The following TSBP1 variants were observed in gnomAD, a reference collection of about 807,000 sequenced individuals.
TSBP1 encodes testis expressed basic protein 1, also known as testis-expressed basic protein 1.
TSBP1 carries 56 observed loss-of-function variants against 68.8 expected under a neutral mutation model. That is an observed-to-expected ratio of 0.81 (90% CI 0.66 to 1.02). The LOEUF (loss-of-function observed/expected upper bound fraction) is 1.02, where lower values mean the gene tolerates loss of function less well. Among genes scored for constraint, TSBP1 ranks in the 50% least tolerant of loss-of-function variants. The pLI is 0.00. For synonymous variants in TSBP1, 171 were observed against 208.7 expected (o/e 0.82, Z 1.56); for missense variants, 502 against 641.2 (o/e 0.78, Z 2.34).
chr6:32,301,576 T>G, intron 20 of TSBP1, among the ~76,000 whole-genome samples: 1 of 150,252 alleles, frequency 6.7e-6, no homozygotes. Context: ...AAAAATTAGC[T>G]GGGTAGGGTG....
At chr6:32,367,618 C>T (rs1350584373) in intron 4 of TSBP1, among the ~76,000 whole-genome samples, 1 of 152,124 alleles carries the variant, frequency 6.6e-6, no homozygotes, top group Non-Finnish European at 1.5e-5. Context: ...ATTTCATATT[C>T]ATTTTATCCA....
At position 32,322,478 on chromosome 6, in the gene TSBP1, G is replaced by C. The variant is rs746786652; in HGVS notation, c.559+639C>G. The C allele has an allele frequency of 1.9e-6, 3 of 1,598,408 alleles. No individual in the cohort carries two copies. Among genetic ancestry groups the C allele is most frequent in the Non-Finnish European group, 1.7e-6 (2 of 1,166,426 alleles). On this transcript the variant is annotated intron_variant, in intron 18 of 22. Transcript: ENST00000612031. Reference sequence around the variant, plus strand: ...CACATATGACCAGCTGAGAAGTAGAGTACTTACTTGCGGTTCTCTGTGAAA... The same window carrying C: ...CACATATGACCAGCTGAGAAGTAGACTACTTACTTGCGGTTCTCTGTGAAA...
At chr6:32,301,164 G>A (rs1481194346) in intron 20 of TSBP1, among the ~76,000 whole-genome samples, 2 of 151,984 alleles carry the variant, frequency 1.3e-5, no homozygotes, top group Non-Finnish European at 2.9e-5. Flanking sequence ...GAGTAGCTGG[G>A]ACTACAGGTG....
chr6:32,351,656 A>T (rs1771733209), intron 8 of TSBP1, among the ~76,000 whole-genome samples: 1 of 152,114 alleles, frequency 6.6e-6, no homozygotes, highest in Non-Finnish European at 1.5e-5. Context: ...TTTTTCTGTA[A>T]TTAGAAAGAT....
Position 32,365,111 on chromosome 6 carries a change from C to T in TSBP1, c.217+1056G>A, listed in dbSNP as rs917556471. On this transcript the variant is annotated intron_variant, in intron 6 of 22. Coordinates refer to ENST00000612031, the Ensembl canonical transcript of TSBP1. This position sits in a 1 kb window ranked among gnomAD's most constrained non-coding sequence, Gnocchi z 4.3. ...CTCACTATGTTGCCCAGGCCAGTCTCGAACTCCTAGTCTCAAGAAGTCCTC... is the reference window on the plus strand; with the variant it reads ...CTCACTATGTTGCCCAGGCCAGTCTTGAACTCCTAGTCTCAAGAAGTCCTC... 2.6e-5 allele frequency among the ~76,000 whole-genome samples: 4 copies of T among 151,162 alleles called. No individual in the cohort carries two copies. Among genetic ancestry groups the T allele is most frequent in the East Asian group, 3.9e-4 (2 of 5,148 alleles).
At chr6:32,324,255 A>G (rs528522761) in intron 16 of TSBP1, among the ~76,000 whole-genome samples, 8 of 152,324 alleles carry the variant, frequency 5.3e-5, no homozygotes, top group East Asian at 1.9e-4. Context: ...TGGAATTTAA[A>G]TGTGGAAAAA....
rs558367041 is a variant in TSBP1 at position 32,315,124 on chromosome 6, C to G, written c.580+648G>C. Among the ~76,000 whole-genome samples, 4 of 152,232 alleles carry G rather than the reference C, an allele frequency of 2.6e-5. No homozygotes were observed. Among genetic ancestry groups the G allele is most frequent in the Admixed American group, 2.6e-4 (4 of 15,302 alleles). On this transcript the variant is annotated intron_variant, in intron 19 of 22. Coordinates refer to ENST00000612031, the Ensembl canonical transcript of TSBP1. The surrounding 1 kb of genome is among the most constrained non-coding windows in gnomAD (Gnocchi z 5.4). The stretch of plus-strand genomic sequence containing the variant: ...ATCATTTGTAACTGAGATATGAGAA[C>G]CAGATTTGCATTTTGGAAAACTAGG...
intron 16 of TSBP1, chr6:32,326,248 T>C (rs1583051395): frequency 1.0e-6 from 1 of 963,628 alleles, no homozygotes; most frequent in East Asian, 2.6e-5. Flanking sequence ...TATAACAGAT[T>C]TGTGAACTCA....
At chr6:32,346,011 T>TCCTCA (rs1268210715) in intron 9 of TSBP1, among the ~76,000 whole-genome samples, 1 of 48,518 alleles carries the variant, frequency 2.1e-5, no homozygotes, top group African/African-American at 6.9e-5. Flanking sequence ...TCATTTTTTT[T>TCCTCA]TTTTTTTTTT....
chr6:32,311,188 C>T (rs1338022478), intron 19 of TSBP1, among the ~76,000 whole-genome samples: 1 of 152,246 alleles, frequency 6.6e-6, no homozygotes, highest in Middle Eastern at 3.4e-3. Flanking sequence ...ACTGATTAAT[C>T]CTTACCCCTT....
chr6:32,318,013 G>T (rs928474513), intron 18 of TSBP1, among the ~76,000 whole-genome samples: 1 of 152,080 alleles, frequency 6.6e-6, no homozygotes, highest in African/African-American at 2.4e-5. Context: ...TGTGTTTATT[G>T]CAGCACTATT....
rs184072983 is a variant in TSBP1 at position 32,302,732 on chromosome 6, T to C, written c.581-103A>G. 173 of 740,374 alleles carry C rather than the reference T, an allele frequency of 2.3e-4. 2 individuals carry two copies. In the African/African-American group the frequency reaches 3.0e-3, roughly 13 times the overall value. 45.9% of individuals were successfully genotyped at this position (740,374 alleles called of 1,614,324 possible). On this transcript the variant is annotated intron_variant, in intron 19 of 22. Coordinates refer to ENST00000612031, the Ensembl canonical transcript of TSBP1. The surrounding 1 kb of genome is among the most constrained non-coding windows in gnomAD (Gnocchi z 5.1). ...CCTAGTTGTTTTTTCTAGGGTACCATAAAGACTTCTAGCAGAATACAATGA... is the reference window on the plus strand; with the variant it reads ...CCTAGTTGTTTTTTCTAGGGTACCACAAAGACTTCTAGCAGAATACAATGA...
intron 16 of TSBP1, 95 bp downstream of exon 17, chr6:32,330,494 A>G: frequency 1.8e-6 from 2 of 1,099,478 alleles, no homozygotes; most frequent in Non-Finnish European, 1.3e-6. Flanking sequence ...TATGGCAGTG[A>G]GACACATCTA....
In TSBP1 at chr6:32,304,178, C is replaced by T. The variant is rs3864301; in HGVS notation, c.581-1549G>A. ...AAAGAAAGGAAGGAAGAAGAAAGAA[C>T]GAGCGAATGAACAAAAGAAAGAAAG... On this transcript the variant is annotated intron_variant, in intron 19 of 22. Coordinates refer to ENST00000612031, the Ensembl canonical transcript of TSBP1. The surrounding 1 kb of genome is among the most constrained non-coding windows in gnomAD (Gnocchi z 4.8). Among the ~76,000 whole-genome samples the T allele has an allele frequency of 0.21, 30,996 of 150,220 alleles. 3,329 individuals carry two copies. The highest frequency in any genetic ancestry group is 0.22 in the Non-Finnish European group (14,623 of 67,758).
At chr6:32,331,963 A>G in intron 15 of TSBP1, 71 bp downstream of exon 16, 1 of 1,050,026 alleles carries the variant, frequency 9.5e-7, no homozygotes, top group East Asian at 2.4e-5. Context: ...ATACTTAAAC[A>G]GTTGGAGCCA....
Position 32,316,490 on chromosome 6 carries a change from G to T in TSBP1, c.560-698C>A, listed in dbSNP as rs2127581571. 1 of 1,212,392 alleles carries T rather than the reference G, an allele frequency of 8.2e-7. No individual in the cohort carries two copies. The highest frequency in any genetic ancestry group is 1.2e-6 in the Non-Finnish European group (1 of 846,978). The allele number at this position is 1,212,392 out of a possible 1,614,324, so 75.1% of individuals were successfully genotyped here. A position where few individuals can be genotyped will look rare whatever the true frequency, so the allele number is the denominator to read the frequency against. Reference sequence around the variant, plus strand: ...TTCTAGGGAGAGATATTTGTGTTGGGGAGAATCTTGGTAGTCACACAGCTC... The same window carrying T: ...TTCTAGGGAGAGATATTTGTGTTGGTGAGAATCTTGGTAGTCACACAGCTC... On this transcript the variant is annotated intron_variant, in intron 18 of 22. Transcript: ENST00000612031. This position sits in a 1 kb window ranked among gnomAD's most constrained non-coding sequence, Gnocchi z 4.5.
At position 32,325,832 on chromosome 6, in the gene TSBP1, A is replaced by G; in HGVS notation, c.515-2218T>C. The stretch of plus-strand genomic sequence containing the variant: ...GGTTCTGGAAACTTAGGTGGTGGTC[A>G]TGGAGGTGGTTTCGGTGGGAATGAC... On this transcript the variant is annotated intron_variant, in intron 16 of 22. Transcript: ENST00000612031. The surrounding 1 kb of genome is among the most constrained non-coding windows in gnomAD (Gnocchi z 4.4). 7.6e-7 allele frequency: 1 copy of G among 1,324,026 alleles called. No homozygotes were observed. Among genetic ancestry groups the G allele is most frequent in the South Asian group, 1.2e-5 (1 of 85,214 alleles). The allele number at this position is 1,324,026 out of a possible 1,614,324, so 82.0% of individuals were successfully genotyped here.
intron 16 of TSBP1, among the ~76,000 whole-genome samples, chr6:32,328,029 C>A (rs1329429880): frequency 1.3e-5 from 2 of 151,778 alleles, no homozygotes; most frequent in Admixed American, 6.6e-5. Context: ...TGGTCTCCAT[C>A]TCCTGACTTC....
chr6:32,364,865 T>C (rs1773480911), intron 6 of TSBP1, among the ~76,000 whole-genome samples: 1 of 151,822 alleles, frequency 6.6e-6, no homozygotes, highest in South Asian at 2.1e-4. Context: ...GTCACCCTGT[T>C]CAATATTTGT....
Sources: gnomAD v4.1 joint callset for allele counts (sites outside exome capture counted in the v4.1 genomes callset) on GRCh38, gnomAD v4.1.1 for gene constraint, Gnocchi (gnomAD v3.1) non-coding constraint, MANE v1.5 for transcripts, NCBI Gene and HGNC (gene_info 2026-07-23, HGNC 2026-07-21) for gene names.